Variants in FBF1 observed in about 807,000 individuals in gnomAD.
FBF1 encodes fas-binding factor 1.
A neutral mutation model predicts 147.2 loss-of-function variants in FBF1; 119 were observed. The ratio of observed to expected loss-of-function variants is 0.81; its 90% CI spans 0.70 to 0.94. The LOEUF (loss-of-function observed/expected upper bound fraction) is 0.94. Ranked by LOEUF, FBF1 falls within the 40% of genes least tolerant of loss-of-function variation. The probability of loss-of-function intolerance (pLI) is 0.00; values close to 1 mark genes in which losing one functional copy is unlikely to be tolerated. For missense variants in FBF1, 1,449 were observed against 1,500.8 expected, an observed-to-expected ratio of 0.97 and a Z score of 0.57; for synonymous variants, 601 against 609.0, an observed-to-expected ratio of 0.99 and a Z score of 0.19.
chr17:75,912,122 C>A, intron 29 of FBF1, 70 bp downstream of exon 29: 1 of 1,455,038 alleles, frequency 6.9e-7, no homozygotes, highest in South Asian at 1.2e-5. Flanking sequence ...ACCATGTGCT[C>A]CTCCCTGCCT....
chr17:75,929,911 G>T, intron 7 of FBF1, 86 bp downstream of exon 7: 1 of 1,165,184 alleles, frequency 8.6e-7, no homozygotes. Flanking sequence ...GGAGAAATTA[G>T]AAGGAGAATG....
chr17:75,922,242 C>A lies in FBF1; in HGVS notation c.1425-196G>T, dbSNP rs192596142. The stretch of plus-strand genomic sequence containing the variant: ...GGGCATCTCTTCCCTTCCAGTACCC[C>A]CTTCCTGCCTCAATGTCCACAGTGG... On this transcript the variant is annotated intron_variant, in intron 14 of 29. Transcript: ENST00000636174. This position sits in a 1 kb window ranked among gnomAD's most constrained non-coding sequence, Gnocchi z 5.0. 1.8e-6 allele frequency: 1 copy of A among 558,808 alleles called. No individual in the cohort carries two copies. The highest frequency in any genetic ancestry group is 3.2e-6 in the Non-Finnish European group (1 of 310,414). 34.6% of individuals were successfully genotyped at this position (558,808 alleles called of 1,614,324 possible).
chr17:75,928,184 C>T lies in FBF1; in HGVS notation c.289G>A (p.Gly97Ser), dbSNP rs761998543. ...AGACCTAAGATATCAGCATCCATGC[C>T]GTCCAGGTCCTAGAAAACCAGGGAG... ...ALLQAMKDLD[G>S]MDADILGLKK... Residue 97 changes from glycine (G) to serine (S), a missense_variant, in exon 8 of 30, where the codon GGC (glycine) becomes AGC (serine). Transcript: ENST00000636174. This position sits in a 1 kb window ranked among gnomAD's most constrained non-coding sequence, Gnocchi z 4.2. 1.1e-4 allele frequency: 176 copies of T among 1,613,582 alleles called. No homozygotes were observed. The highest frequency in any genetic ancestry group is 3.0e-4 in the Admixed American group (18 of 59,956).
At chr17:75,912,130 C>T in intron 29 of FBF1, 62 bp downstream of exon 29, 1 of 1,492,296 alleles carries the variant, frequency 6.7e-7, no homozygotes, top group African/African-American at 1.4e-5. Flanking sequence ...CTCCTCCCTG[C>T]CTCTGCCCTG....
Position 75,919,768 on chromosome 17 carries a change from C to T in FBF1, c.2038G>A (p.Glu680Lys), listed in dbSNP as rs372147053. Residue 680 changes from glutamate to lysine, a missense_variant, in exon 20 of 30, where the codon GAA becomes AAA. Transcript: ENST00000636174. This position sits in a 1 kb window ranked among gnomAD's most constrained non-coding sequence, Gnocchi z 5.0. ...ARYLSQCQEA[E>K]QARAELTAQH... is the part of the protein sequence containing the mutation. ...GCCGTAAGCTCAGCACGGGCCTGTT[C>T]GGCCTCCTGGCACTGCGACAGATAC... is the stretch of plus-strand genomic sequence containing the variant. 3.1e-5 allele frequency: 50 copies of T among 1,613,494 alleles called. No homozygotes were observed. The highest frequency in any genetic ancestry group is 6.7e-5 in the Admixed American group (4 of 60,006).
chr17:75,918,452 T>C lies in FBF1; in HGVS notation c.2139-183A>G, dbSNP rs2065503159. ...CATGGTGCCTCAATGCTACACGCAC[T>C]AAGATGGGCATTCCTCCCATTATTC... On this transcript the variant is annotated intron_variant, in intron 20 of 29. Coordinates refer to ENST00000636174, the MANE Select transcript of FBF1 (RefSeq NM_001319193.2). The surrounding 1 kb of genome is among the most constrained non-coding windows in gnomAD (Gnocchi z 5.8). 6.6e-6 allele frequency among the ~76,000 whole-genome samples: 1 copy of C among 152,192 alleles called. No homozygotes were observed.
intron 13 of FBF1, among the ~76,000 whole-genome samples, chr17:75,924,105 T>C (rs2065546060): frequency 6.6e-6 from 1 of 151,856 alleles, no homozygotes; most frequent in African/African-American, 2.4e-5. Flanking sequence ...TCCCAGCTAC[T>C]TGGGAGGCTG....
chr17:75,923,486 G>A lies in FBF1; in HGVS notation c.1124C>T (p.Thr375Ile). The change falls in exon 14 of 30, where the codon ACC becomes ATC. Residue 375 changes from threonine to isoleucine, a missense_variant. Thr to Ile is a moderately conservative substitution (Grantham distance 89). Coordinates refer to ENST00000636174, the MANE Select transcript of FBF1 (RefSeq NM_001319193.2). The surrounding 1 kb of genome is among the most constrained non-coding windows in gnomAD (Gnocchi z 4.1). ...TGAACTTTCCCGATGGGCCTCTCTGGTGGGTGAGGCAGGGAACAGGTCCAA... is the reference window on the plus strand; with the variant it reads ...TGAACTTTCCCGATGGGCCTCTCTGATGGGTGAGGCAGGGAACAGGTCCAA... ...EDLDLFPASP[T>I]REAHRESSVP... The A allele has an allele frequency of 1.9e-6, 3 of 1,608,172 alleles. No individual in the cohort carries two copies. The highest frequency in any genetic ancestry group is 2.5e-6 in the Non-Finnish European group (3 of 1,177,672).
rs1327442463 is a variant in FBF1 at position 75,922,004 on chromosome 17, A to G, written c.1467T>C (p.Ala489=). ...TSTQGLEHAA[A]GGSSGTTARE... is the part of the protein sequence containing the mutation. ...GTGCAGTTGTTCCAGAACTCCCTCC[A>G]GCAGCTGCGTGCTCAAGCCCTTGTG... is the stretch of plus-strand genomic sequence containing the variant. The change falls in exon 15 of 30, where the codon GCT becomes GCC. Residue 489 remains alanine, a synonymous_variant. Coordinates refer to ENST00000636174, the MANE Select transcript of FBF1 (RefSeq NM_001319193.2). The surrounding 1 kb of genome is among the most constrained non-coding windows in gnomAD (Gnocchi z 5.0). 5 of 1,551,698 alleles carry G rather than the reference A, an allele frequency of 3.2e-6. No homozygotes were observed. In the African/African-American group the frequency reaches 4.1e-5, roughly 13 times the overall value.
In FBF1 at chr17:75,930,024, G is replaced by A. The variant is rs1231286886; in HGVS notation, c.252C>T (p.Asp84=). 6.4e-7 allele frequency: 1 copy of A among 1,570,058 alleles called. No individual in the cohort carries two copies. The highest frequency in any genetic ancestry group is 8.6e-7 in the Non-Finnish European group (1 of 1,158,452). ...DAEVSGISEA[D]PQALLQAMKD... is the part of the protein sequence containing the mutation. The stretch of plus-strand genomic sequence containing the variant: ...TCATGGCCTGGAGCAGAGCCTGTGG[G>A]TCTGCCTCTGAGATACCTGAAACCT... Residue 84 remains aspartate, a synonymous_variant, in exon 7 of 30, where the codon GAC becomes GAT. Coordinates refer to ENST00000636174, the MANE Select transcript of FBF1 (RefSeq NM_001319193.2).
rs139191003 is a variant in FBF1 at position 75,923,638 on chromosome 17, C to T, written c.972G>A (p.Arg324=). The change falls in exon 14 of 30, where the codon AGG becomes AGA. Residue 324 remains arginine, a synonymous_variant. Transcript: ENST00000636174. This position sits in a 1 kb window ranked among gnomAD's most constrained non-coding sequence, Gnocchi z 4.1. ...GRQSRRQSVS[R]FFADSGADPK... ...GGTCTGCGCCACTGTCTGCGAAGAA[C>T]CTACTTCAAGACAGAAAGGAGGGTG... The T allele has an allele frequency of 3.8e-6, 6 of 1,597,430 alleles. No individual in the cohort carries two copies. The African/African-American group carries it at 5.4e-5, about 14-fold the overall frequency.
chr17:75,914,167 G>T lies in FBF1; in HGVS notation c.2946C>A (p.Ala982=). Residue 982 remains alanine (A), a synonymous_variant, in exon 26 of 30, where the codon GCC becomes GCA. Coordinates refer to ENST00000636174, the MANE Select transcript of FBF1 (RefSeq NM_001319193.2). ...RLEKERINAT[A]LRVKLRAEEV... is the part of the protein sequence containing the mutation. The stretch of plus-strand genomic sequence containing the variant: ...CCTCGGCGCGGAGCTTGACACGCAG[G>T]GCGGTGGCGTTGATCCTCTCCTTCT... 1 of 1,600,068 alleles carries T rather than the reference G, an allele frequency of 6.2e-7. No individual in the cohort carries two copies. The highest frequency in any genetic ancestry group is 1.1e-5 in the South Asian group (1 of 88,558).
At chr17:75,913,248 G>A (rs2065466359) in intron 28 of FBF1, among the ~76,000 whole-genome samples, 1 of 149,012 alleles carries the variant, frequency 6.7e-6, no homozygotes. Flanking sequence ...TCTCGGGTTC[G>A]AGTGACTCTC....
At position 75,919,599 on chromosome 17, in the gene FBF1, C is replaced by A; in HGVS notation, c.2138+69G>T. 2 of 1,512,546 alleles carry A rather than the reference C, an allele frequency of 1.3e-6. No homozygotes were observed. Among genetic ancestry groups the A allele is most frequent in the South Asian group, 1.2e-5 (1 of 82,532 alleles). 93.7% of individuals were successfully genotyped at this position (1,512,546 alleles called of 1,614,324 possible). A position where few individuals can be genotyped will look rare whatever the true frequency, so the allele number is the denominator to read the frequency against. ...GCTGCTGAGCCACAGCGAAGGGTCTCGTGGGGATGGCTCTCTTCCGGCTAC... is the reference window on the plus strand; with the variant it reads ...GCTGCTGAGCCACAGCGAAGGGTCTAGTGGGGATGGCTCTCTTCCGGCTAC... On this transcript the variant is annotated intron_variant, in intron 20 of 29. Coordinates refer to ENST00000636174, the MANE Select transcript of FBF1 (RefSeq NM_001319193.2). The surrounding 1 kb of genome is among the most constrained non-coding windows in gnomAD (Gnocchi z 5.0).
chr17:75,916,457 T>TA (rs2065489973), intron 23 of FBF1, among the ~76,000 whole-genome samples: 1 of 151,774 alleles, frequency 6.6e-6, no homozygotes, highest in African/African-American at 2.4e-5. Context: ...CACATCTCAG[T>TA]AAAAAATACA....
Position 75,917,803 on chromosome 17 carries a change from G to A in FBF1, c.2434C>T (p.Arg812Trp), listed in dbSNP as rs534756202. The change falls in exon 23 of 30, where the codon CGG becomes TGG. Residue 812 changes from arginine to tryptophan, a missense_variant. By Grantham distance (101) the Arg-to-Trp change is moderately radical. Transcript: ENST00000636174. ...GQQQRDMEEE[R>W]SRQQEVIGKM... Reference sequence around the variant, plus strand: ...CCGATGACCTCCTGTTGCCGGCTCCGCTCCTCCTCCATGTCCCGCTGCTGC... The same window carrying A: ...CCGATGACCTCCTGTTGCCGGCTCCACTCCTCCTCCATGTCCCGCTGCTGC... The A allele has an allele frequency of 2.6e-5, 42 of 1,609,462 alleles. 1 individual carries two copies. In the South Asian group the frequency reaches 3.0e-4, roughly 11 times the overall value.
rs1003156117 is a variant in FBF1, at chr17:75,922,721, C to T, written c.1424+465G>A. ...CACGGATAAGGGCTTCTCCAAGAGG[C>T]GCCTCTCGGCCACTATGTCTCCTCT... On this transcript the variant is annotated intron_variant, in intron 14 of 29. Coordinates refer to ENST00000636174, the MANE Select transcript of FBF1 (RefSeq NM_001319193.2). This position sits in a 1 kb window ranked among gnomAD's most constrained non-coding sequence, Gnocchi z 5.0. Among the ~76,000 whole-genome samples the T allele has an allele frequency of 1.3e-5, 2 of 152,226 alleles. No homozygotes were observed. Among genetic ancestry groups the T allele is most frequent in the African/African-American group, 2.4e-5 (1 of 41,448 alleles).
chr17:75,929,945 A>AGGGGCCCCCCCCCCCCCCC, intron 7 of FBF1, 52 bp downstream of exon 7: 3 of 650,864 alleles, frequency 4.6e-6, no homozygotes, highest in Admixed American at 2.7e-5. Context: ...AAATATCATG[A>AGGGGCCCCCCCCCCCCCCC]CCCCACCCCA....
chr17:75,915,008 T>C lies in FBF1; in HGVS notation c.2628+9A>G. On this transcript the variant is annotated intron_variant, in intron 24 of 29. Transcript: ENST00000636174. ...AGGGGCAGGGGCTGAGTGCGGTGGC[T>C]TGACTCACCTTGGCCCGTTCCAGCT... The C allele has an allele frequency of 6.2e-7, 1 of 1,613,190 alleles. No individual in the cohort carries two copies. Among genetic ancestry groups the C allele is most frequent in the South Asian group, 1.1e-5 (1 of 91,062 alleles).
Sources: allele counts gnomAD v4.1 joint callset (sites outside exome capture counted in the v4.1 genomes callset), GRCh38; gene constraint gnomAD v4.1.1; non-coding constraint Gnocchi (gnomAD v3.1); transcripts MANE v1.5; gene names NCBI Gene and HGNC (gene_info 2026-07-23, HGNC 2026-07-21).